VWA3A: variants seen among roughly 807,000 people sequenced by gnomAD.
The protein encoded by VWA3A is von Willebrand factor A domain-containing protein 3A.
A neutral mutation model predicts 160.4 loss-of-function variants in VWA3A; 134 were observed. The observed-to-expected ratio is 0.84, with a 90% CI of 0.73 to 0.96. VWA3A has a LOEUF of 0.96. VWA3A is among the 40% of genes least tolerant of loss of function. The probability of loss-of-function intolerance (pLI) is 0.00; values close to 1 mark genes in which losing one functional copy is unlikely to be tolerated. For missense variants in VWA3A, 1,310 were observed against 1,447.9 expected (o/e 0.90, Z 1.55); for synonymous variants, 476 against 543.4 (o/e 0.88, Z 1.72).
In VWA3A at chr16:22,142,519, G is replaced by A; in HGVS notation, c.2495-149G>A. On this transcript the variant is annotated intron_variant, in intron 24 of 33. Transcript: ENST00000389398. The stretch of plus-strand genomic sequence containing the variant: ...TCGCTCCCCACCCTCTCACCAGAGA[G>A]AGCATTGATCTATTCATGAGGGATC... The A allele has an allele frequency of 1.2e-5, 7 of 593,580 alleles. No individual in the cohort carries two copies. In the South Asian group the frequency reaches 1.4e-4, roughly 12 times the overall value. 36.8% of individuals were successfully genotyped at this position (593,580 alleles called of 1,614,324 possible). A position where few individuals can be genotyped will look rare whatever the true frequency, so the allele number is the denominator to read the frequency against.
chr16:22,109,213 T>C (rs2045520241), intron 6 of VWA3A, among the ~76,000 whole-genome samples: 1 of 152,182 alleles, frequency 6.6e-6, no homozygotes, highest in Non-Finnish European at 1.5e-5. Flanking sequence ...TTTTCTACAA[T>C]GACCATGTAT....
In VWA3A at chr16:22,103,436, G is replaced by T. The variant is rs763860166; in HGVS notation, c.429-39G>T. The T allele has an allele frequency of 7.8e-6, 12 of 1,542,642 alleles. No homozygotes were observed. The South Asian group carries it at 8.4e-5, about 11-fold the overall frequency. ...TAAGTGGCTGTTGCTCAGTGATGAC[G>T]CTGGCCTTGGGTGATGAGTCTTTCT... is the stretch of plus-strand genomic sequence containing the variant. On this transcript the variant is annotated intron_variant, in intron 5 of 33. Coordinates refer to ENST00000389398, the MANE Select transcript of VWA3A (RefSeq NM_173615.5).
chr16:22,142,632 C>A (rs1464154014), intron 24 of VWA3A, 36 bp from the exon 25 acceptor site: 4 of 1,512,444 alleles, frequency 2.6e-6, no homozygotes, highest in East Asian at 2.5e-5. Context: ...CTCAACCATC[C>A]AAACTATAGC....
chr16:22,097,166 C>T (rs2045339661), intron 2 of VWA3A, among the ~76,000 whole-genome samples: 2 of 152,038 alleles, frequency 1.3e-5, no homozygotes, highest in East Asian at 1.9e-4. Context: ...AGGGTTTCAC[C>T]GTGTTAACCA....
At position 22,150,753 on chromosome 16, in the gene VWA3A, A is replaced by G. The variant is rs757588087; in HGVS notation, c.3188A>G (p.Asp1063Gly). Reference protein sequence around the residue: ...GLYLLTDGKPDTSCSLVLNEV... With the variant: ...GLYLLTDGKPGTSCSLVLNEV... Reference sequence around the variant, plus strand: ...TACCTCCTGACCGACGGAAAGCCAGACACAAGCTGCAGCCTTGTCCTAAAT... The same window carrying G: ...TACCTCCTGACCGACGGAAAGCCAGGCACAAGCTGCAGCCTTGTCCTAAAT... The change falls in exon 30 of 34, where the codon GAC (aspartate) becomes GGC (glycine). Residue 1063 changes from aspartate to glycine, a missense_variant. Coordinates refer to ENST00000389398, the MANE Select transcript of VWA3A (RefSeq NM_173615.5). The G allele has an allele frequency of 6.2e-7, 1 of 1,612,990 alleles. No individual in the cohort carries two copies. Among genetic ancestry groups the G allele is most frequent in the Admixed American group, 1.7e-5 (1 of 59,842 alleles).
At position 22,140,236 on chromosome 16, in the gene VWA3A, T is replaced by G. The variant is rs1199610747; in HGVS notation, c.2375T>G (p.Ile792Ser). ...CGTCCACTCAGTAGCAGAGTTGGCA[T>G]CTCACCAGGTAAGGCACCATCACGG... Reference protein sequence around the residue: ...KWRPLSSRVGISPAAAQPTKE... With the variant: ...KWRPLSSRVGSSPAAAQPTKE... The change falls in exon 23 of 34, where the codon ATC becomes AGC. Residue 792 changes from isoleucine (I) to serine (S), a missense_variant. Transcript: ENST00000389398. 6.2e-7 allele frequency: 1 copy of G among 1,613,374 alleles called. No individual in the cohort carries two copies. The highest frequency in any genetic ancestry group is 2.2e-5 in the East Asian group (1 of 44,888).
chr16:22,110,838 C>A, intron 7 of VWA3A, 50 bp from the exon 8 acceptor site: 1 of 1,528,356 alleles, frequency 6.5e-7, no homozygotes, highest in Non-Finnish European at 8.9e-7. Flanking sequence ...CAAAGCCAGG[C>A]TCCCGATTCC....
In VWA3A at chr16:22,142,674, T is replaced by G; in HGVS notation, c.2501T>G (p.Val834Gly). ...YTEKGNDVGS[V>G]YKKYPQGRGL... ...CTCACTCTGCTTCTTCTAGGCTCAG[T>G]GTACAAGAAGTACCCTCAAGGAAGG... Residue 834 changes from valine (V) to glycine (G), a missense_variant, in exon 25 of 34, where the codon GTG becomes GGG. Transcript: ENST00000389398. The G allele has an allele frequency of 3.2e-6, 5 of 1,564,096 alleles. No individual in the cohort carries two copies. The highest frequency in any genetic ancestry group is 4.3e-6 in the Non-Finnish European group (5 of 1,153,138).
intron 22 of VWA3A, among the ~76,000 whole-genome samples, chr16:22,139,243 A>G (rs995741983): frequency 6.6e-6 from 1 of 152,214 alleles, no homozygotes. Flanking sequence ...TTCAGGAGCC[A>G]GCTCAGGCAC....
intron 6 of VWA3A, among the ~76,000 whole-genome samples, chr16:22,104,140 C>T (rs1026087934): frequency 7.2e-5 from 11 of 152,092 alleles, no homozygotes; most frequent in African/African-American, 4.8e-5. Context: ...ACTTTAGACC[C>T]GCAATGAGAT....
At chr16:22,106,244 G>A (rs933934642) in intron 6 of VWA3A, among the ~76,000 whole-genome samples, 11 of 151,998 alleles carry the variant, frequency 7.2e-5, no homozygotes, top group Admixed American at 3.3e-4. Context: ...AATTAGCCAG[G>A]CGTGGTGATG....
Position 22,149,947 on chromosome 16 carries a change from G to A in VWA3A, c.3129+16G>A. 6.3e-7 allele frequency: 1 copy of A among 1,591,906 alleles called. No individual in the cohort carries two copies. The highest frequency in any genetic ancestry group is 8.6e-7 in the Non-Finnish European group (1 of 1,165,504). On this transcript the variant is annotated intron_variant, in intron 29 of 33. Coordinates refer to ENST00000389398, the MANE Select transcript of VWA3A (RefSeq NM_173615.5). Reference sequence around the variant, plus strand: ...AGCATTGCTGGCAAGTCCCACCACGGAGCCCGACCTTGACGCAAAACAAAT... The same window carrying A: ...AGCATTGCTGGCAAGTCCCACCACGAAGCCCGACCTTGACGCAAAACAAAT...
intron 1 of VWA3A, 77 bp from the exon 2 acceptor site, chr16:22,096,782 C>A: frequency 1.0e-6 from 1 of 957,544 alleles, no homozygotes; most frequent in Non-Finnish European, 1.6e-6. Flanking sequence ...AAGCATTGTG[C>A]TGAATATAGA....
intron 5 of VWA3A, among the ~76,000 whole-genome samples, chr16:22,101,496 A>C (rs1248148835): frequency 6.6e-6 from 1 of 152,210 alleles, no homozygotes; most frequent in Non-Finnish European, 1.5e-5. Context: ...CAGAAGAAAG[A>C]GGTTTAATGG....
chr16:22,133,958 G>A (rs2045994941), intron 20 of VWA3A, among the ~76,000 whole-genome samples: 1 of 152,066 alleles, frequency 6.6e-6, no homozygotes, highest in African/African-American at 2.4e-5. Context: ...GTTGTACATG[G>A]TACAAAAAGC....
chr16:22,103,613 C>T, intron 6 of VWA3A, 84 bp downstream of exon 6: 1 of 1,457,506 alleles, frequency 6.9e-7, no homozygotes, highest in South Asian at 1.2e-5. Context: ...CAAATGTAGA[C>T]CTCCAATATA....
At chr16:22,111,125 C>CA in intron 8 of VWA3A, 131 bp downstream of exon 8, 1 of 742,382 alleles carries the variant, frequency 1.3e-6, no homozygotes, top group Non-Finnish European at 2.0e-6. Context: ...AGAGACAACT[C>CA]ACAAAAGCAG....
At chr16:22,150,555 A>G in intron 29 of VWA3A, 140 bp from the exon 30 acceptor site, 3 of 1,004,502 alleles carry the variant, frequency 3.0e-6, no homozygotes, top group Non-Finnish European at 4.3e-6. Flanking sequence ...AGAGAATCTC[A>G]GTCTTTTTGA....
intron 16 of VWA3A, among the ~76,000 whole-genome samples, chr16:22,125,540 C>CA (rs2045831480): frequency 1.3e-5 from 2 of 152,036 alleles, no homozygotes; most frequent in Non-Finnish European, 2.9e-5. Context: ...TCTCCTGCCT[C>CA]AGCCTCCCAA....
Sources: allele counts gnomAD v4.1 joint callset (sites outside exome capture counted in the v4.1 genomes callset), GRCh38; gene constraint gnomAD v4.1.1; transcripts MANE v1.5; gene names NCBI Gene and HGNC (gene_info 2026-07-23, HGNC 2026-07-21).